Variants in CLECL1 observed in about 807,000 individuals in gnomAD.
CLECL1 encodes C-type lectin-like domain family 1.
the CLECL1 span, among the ~76,000 whole-genome samples, chr12:9,706,459 C>G: frequency 9.9e-5 from 15 of 152,234 alleles, no homozygotes; most frequent in African/African-American, 3.6e-4. Context: ...ATTCTTTGAG[C>G]TTTTGCCCAT....
At chr12:9,730,089 C>A (rs1303804128) in intron 1 of CLECL1, among the ~76,000 whole-genome samples, 4 of 152,074 alleles carry the variant, frequency 2.6e-5, no homozygotes, top group Non-Finnish European at 4.4e-5. Flanking sequence ...TTCCATAAAA[C>A]CATACATTTA....
intron 3 of CLECL1, among the ~76,000 whole-genome samples, chr12:9,725,386 C>G (rs1485850387): frequency 1.3e-5 from 2 of 152,004 alleles, no homozygotes; most frequent in Non-Finnish European, 2.9e-5. Flanking sequence ...AAATCAAACC[C>G]TTTCTGAGTA....
intron 3 of CLECL1, among the ~76,000 whole-genome samples, chr12:9,723,868 G>T (rs1226213791): frequency 2.0e-5 from 3 of 152,066 alleles, no homozygotes; most frequent in Non-Finnish European, 4.4e-5. Context: ...TTAAATTTAA[G>T]TCCAACTACA....
intron 2 of CLECL1, among the ~76,000 whole-genome samples, chr12:9,728,696 TA>T (rs761222676): frequency 8.6e-5 from 13 of 151,946 alleles, no homozygotes; most frequent in Non-Finnish European, 1.6e-4. Context: ...TAGGGATTTT[TA>T]ATGCTAATTA....
upstream of CLECL1, chr12:9,733,402 C>T (rs1866479022): frequency 5.1e-6 from 3 of 586,234 alleles, no homozygotes; most frequent in East Asian, 2.8e-5. Flanking sequence ...TATTCTCTGG[C>T]GGAAACTCTG....
exon 3 of CLECL1, chr12:9,716,770 TG>T: frequency 7.8e-7 from 1 of 1,279,908 alleles, no homozygotes; most frequent in Non-Finnish European, 1.0e-6. Flanking sequence ...CAAAAAAGAT[TG>T]GATTTCTAGA....
chr12:9,730,884 C>G (rs894963098), intron 1 of CLECL1, among the ~76,000 whole-genome samples: 1 of 152,110 alleles, frequency 6.6e-6, no homozygotes, highest in Non-Finnish European at 1.5e-5. Context: ...TGAGGTCTCT[C>G]TGTGTTGTCC....
chr12:9,727,830 T>A (rs2192436), intron 2 of CLECL1, among the ~76,000 whole-genome samples: 148,831 of 151,836 alleles, frequency 0.98, 72,946 homozygotes, highest in East Asian at 1. Context: ...TACTCTTTCC[T>A]AGATTTAGAG....
chr12:9,716,657 C>T, exon 3 of CLECL1: 1 of 504,140 alleles, frequency 2.0e-6, no homozygotes, highest in Non-Finnish European at 2.9e-6. Flanking sequence ...TTGTTCTCTT[C>T]ATCAGAGGCC....
the CLECL1 span, among the ~76,000 whole-genome samples, chr12:9,707,128 C>G: frequency 0.38 from 58,408 of 151,920 alleles, 12,413 homozygotes; most frequent in East Asian, 0.59. Context: ...TCTAGATTTT[C>G]TAATTTATGT....
downstream of CLECL1, among the ~76,000 whole-genome samples, chr12:9,714,497 G>A (rs528105430): frequency 1.9e-3 from 293 of 152,322 alleles, no homozygotes; most frequent in Non-Finnish European, 2.9e-3. Flanking sequence ...ACAGCCTGCA[G>A]CTTTGGAAAT....
downstream of CLECL1, chr12:9,715,757 C>T (rs1430212338): frequency 6.5e-6 from 1 of 152,728 alleles, no homozygotes; most frequent in Middle Eastern, 3.4e-3. Context: ...CAGTTCTCGC[C>T]TTTATTCTGT....
Position 9,722,742 on chromosome 12 carries a change from A to G in CLECL1, n.334T>C, listed in dbSNP as rs188675162. Reference sequence around the variant, plus strand: ...GATTTCTTAGTTTCAGCAATCCAGTAACATTTTCCCTTATGCACCTTCCAG... The same window carrying G: ...GATTTCTTAGTTTCAGCAATCCAGTGACATTTTCCCTTATGCACCTTCCAG... On this transcript the variant is annotated non_coding_transcript_exon_variant, in exon 4 of 4. Transcript: ENST00000621400. 1.2e-4 allele frequency: 200 copies of G among 1,614,006 alleles called. 2 individuals are homozygous for G. The East Asian group carries it at 4.2e-3, about 34-fold the overall frequency.
At chr12:9,707,252 G>A in the CLECL1 span, among the ~76,000 whole-genome samples, 1 of 152,154 alleles carries the variant, frequency 6.6e-6, no homozygotes, top group Admixed American at 6.5e-5. Context: ...TAGGCATGCA[G>A]TAGATACCAG....
chr12:9,714,296 G>A (rs1418671613), downstream of CLECL1, among the ~76,000 whole-genome samples: 3 of 152,058 alleles, frequency 2.0e-5, no homozygotes, highest in Non-Finnish European at 4.4e-5. Flanking sequence ...CTTTTTTCAC[G>A]GGAAGCACAG....
At chr12:9,705,886 T>TTTTTATTCCATATAAA in the CLECL1 span, among the ~76,000 whole-genome samples, 3 of 152,170 alleles carry the variant, frequency 2.0e-5, no homozygotes, top group Admixed American at 6.5e-5. Flanking sequence ...TTCAGGCTCT[T>TTTTTATTCCATATAAA]TTTTATTCCA....
chr12:9,703,827 CT>C, the CLECL1 span, among the ~76,000 whole-genome samples: 9 of 152,030 alleles, frequency 5.9e-5, no homozygotes, highest in Middle Eastern at 3.4e-3. Context: ...AAATGATTTT[CT>C]TTTTTTAATG....
downstream of CLECL1, chr12:9,722,474 A>AG (rs1210540934): frequency 1.5e-6 from 2 of 1,329,816 alleles, no homozygotes; most frequent in Non-Finnish European, 1.9e-6. Flanking sequence ...CCGGAAAAAA[A>AG]AAAAACCTCA....
chr12:9,721,609 A>T (rs1866313358), downstream of CLECL1, among the ~76,000 whole-genome samples: 2 of 152,236 alleles, frequency 1.3e-5, no homozygotes, highest in Non-Finnish European at 2.9e-5. Flanking sequence ...GACTGTGAGC[A>T]GGAGATATAT....
Sources: gnomAD v4.1 joint callset for allele counts (sites outside exome capture counted in the v4.1 genomes callset) on GRCh38, gnomAD v4.1.1 for gene constraint, MANE v1.5 for transcripts, NCBI Gene and HGNC (gene_info 2026-07-23, HGNC 2026-07-21) for gene names.